Variants in ABLIM3 observed in about 807,000 individuals in gnomAD.
ABLIM3 encodes the protein actin-binding LIM protein 3.
ABLIM3 carries 61 observed loss-of-function variants against 109.5 expected under a neutral mutation model. The observed-to-expected ratio is 0.56, with a 90% CI of 0.45 to 0.69. The LOEUF is 0.69. ABLIM3 is among the 30% of genes least tolerant of loss of function. The probability of loss-of-function intolerance (pLI) is 0.00; values close to 1 mark genes in which losing one functional copy is unlikely to be tolerated. For missense variants in ABLIM3, 796 were observed against 889.5 expected (o/e 0.89, Z 1.34); for synonymous variants, 300 against 324.8 (o/e 0.92, Z 0.82).
At chr5:149,158,248 C>A (rs544626374) in intron 2 of ABLIM3, among the ~76,000 whole-genome samples, 4 of 152,312 alleles carry the variant, frequency 2.6e-5, no homozygotes, top group Admixed American at 6.5e-5. Flanking sequence ...TGTTCCCCAA[C>A]TGCAAGCCAA....
intron 14 of ABLIM3, among the ~76,000 whole-genome samples, chr5:149,241,223 T>C (rs2127560285): frequency 6.6e-6 from 1 of 152,362 alleles, no homozygotes; most frequent in African/African-American, 2.4e-5. Context: ...TGTTCTGGGC[T>C]CAGAGGTTGC....
intron 6 of ABLIM3, among the ~76,000 whole-genome samples, chr5:149,209,056 T>C (rs1759290619): frequency 6.6e-6 from 1 of 152,174 alleles, no homozygotes; most frequent in Non-Finnish European, 1.5e-5. Flanking sequence ...GATCCTGGGC[T>C]GCATAGGTGA....
chr5:149,153,535 A>T (rs147172287), intron 2 of ABLIM3, among the ~76,000 whole-genome samples: 32 of 152,294 alleles, frequency 2.1e-4, no homozygotes, highest in African/African-American at 7.7e-4. Context: ...TTCAGGCCAT[A>T]TGGACAGGAG....
chr5:149,181,147 G>C (rs564864282), intron 2 of ABLIM3, among the ~76,000 whole-genome samples: 1 of 152,286 alleles, frequency 6.6e-6, no homozygotes, highest in Admixed American at 6.5e-5. Flanking sequence ...GGCAATGGTA[G>C]ATCACCACAC....
At chr5:149,216,600 G>A (rs534588252) in intron 7 of ABLIM3, 11 of 215,926 alleles carry the variant, frequency 5.1e-5, no homozygotes, top group African/African-American at 2.5e-4. Context: ...TGTAACATTA[G>A]TGGTAAGGGC....
intron 2 of ABLIM3, among the ~76,000 whole-genome samples, chr5:149,147,254 A>G (rs2127428790): frequency 6.6e-6 from 1 of 152,248 alleles, no homozygotes; most frequent in African/African-American, 2.4e-5. Flanking sequence ...ACTTCACTGA[A>G]GTCATAGTTT....
chr5:149,237,314 A>G (rs1752303744), intron 10 of ABLIM3, 134 bp from the exon 11 acceptor site: 10 of 932,918 alleles, frequency 1.1e-5, no homozygotes, highest in African/African-American at 4.9e-5. Context: ...ACTATTCTTC[A>G]ATTTGATCCT....
At chr5:149,246,437 A>G (rs201171869) in intron 16 of ABLIM3, 45 bp from the exon 17 acceptor site, 57 of 1,585,946 alleles carry the variant, frequency 3.6e-5, no homozygotes, top group Non-Finnish European at 4.5e-5. Context: ...AGCCAGGCTG[A>G]GTGGGGTGCA....
chr5:149,153,160 G>A (rs1367500234), intron 2 of ABLIM3, among the ~76,000 whole-genome samples: 2 of 152,022 alleles, frequency 1.3e-5, no homozygotes, highest in Non-Finnish European at 1.5e-5. Context: ...ATATTCCCAA[G>A]GCACTTCAAA....
chr5:149,216,876 C>A, intron 7 of ABLIM3, 83 bp from the exon 8 acceptor site: 1 of 1,233,846 alleles, frequency 8.1e-7, no homozygotes, highest in Non-Finnish European at 1.2e-6. Flanking sequence ...CACTAATGTA[C>A]CCAGGAAAGA....
chr5:149,228,171 G>A (rs67661015), intron 8 of ABLIM3, among the ~76,000 whole-genome samples: 15,099 of 152,104 alleles, frequency 0.099, 819 homozygotes, highest in South Asian at 0.11. Flanking sequence ...GTTGAATAAG[G>A]CCATTCAGTT....
At chr5:149,192,715 C>T (rs1339301968) in intron 3 of ABLIM3, among the ~76,000 whole-genome samples, 3 of 151,636 alleles carry the variant, frequency 2.0e-5, no homozygotes, top group Non-Finnish European at 1.5e-5. Flanking sequence ...TTTTGCAAAG[C>T]TTTAACGAAA....
intron 2 of ABLIM3, among the ~76,000 whole-genome samples, chr5:149,152,249 A>G (rs1037990472): frequency 1.3e-5 from 2 of 152,198 alleles, no homozygotes; most frequent in Non-Finnish European, 2.9e-5. Context: ...GTGACAGCTT[A>G]ATATTTTTAT....
At chr5:149,210,949 C>A in intron 7 of ABLIM3, 130 bp downstream of exon 7, 1 of 808,072 alleles carries the variant, frequency 1.2e-6, no homozygotes, top group Non-Finnish European at 2.1e-6. Context: ...CCTTTGCTTG[C>A]TACATGACCT....
At chr5:149,201,794 A>G (rs1481396495) in intron 5 of ABLIM3, among the ~76,000 whole-genome samples, 1 of 151,936 alleles carries the variant, frequency 6.6e-6, no homozygotes, top group African/African-American at 2.4e-5. Flanking sequence ...GCTGCTGAGG[A>G]CCTCCGAGAC....
intron 2 of ABLIM3, among the ~76,000 whole-genome samples, chr5:149,166,048 A>C (rs1447804502): frequency 1.3e-5 from 2 of 152,338 alleles, no homozygotes; most frequent in East Asian, 3.9e-4. Flanking sequence ...AATGTGTTTT[A>C]GTTGGCTCAC....
Position 149,247,791 on chromosome 5 carries a change from G to A in ABLIM3, c.1561G>A (p.Gly521Arg). ...FDRSMHKLQSGIGRLILKEEM... is the reference protein window; with the variant it reads ...FDRSMHKLQSRIGRLILKEEM... ...CTTCCCCGACCCTCAGCTCCAAAGT[G>A]GAATTGGCCGGCTGATTCTGAAGGA... The change falls in exon 18 of 24, where the codon GGA (glycine) becomes AGA (arginine). Residue 521 changes from glycine to arginine, a missense_variant. By Grantham distance (125) the Gly-to-Arg change is moderately radical (BLOSUM62 -2). Coordinates refer to ENST00000309868, the MANE Select transcript of ABLIM3 (RefSeq NM_014945.5). The A allele has an allele frequency of 6.2e-7, 1 of 1,614,226 alleles. No individual in the cohort carries two copies. The highest frequency in any genetic ancestry group is 1.3e-5 in the African/African-American group (1 of 75,064).
chr5:149,210,422 A>G (rs538812277), intron 6 of ABLIM3, among the ~76,000 whole-genome samples: 1 of 152,362 alleles, frequency 6.6e-6, no homozygotes, highest in South Asian at 2.1e-4. Context: ...AACAAATGTT[A>G]GTGGCTATTA....
intron 14 of ABLIM3, among the ~76,000 whole-genome samples, chr5:149,241,237 T>A (rs1362054228): frequency 6.6e-6 from 1 of 152,226 alleles, no homozygotes; most frequent in Non-Finnish European, 1.5e-5. Flanking sequence ...AGGTTGCAAC[T>A]GTGCTCAACC....
Sources: allele counts gnomAD v4.1 joint callset (sites outside exome capture counted in the v4.1 genomes callset), GRCh38; gene constraint gnomAD v4.1.1; transcripts MANE v1.5; gene names NCBI Gene and HGNC (gene_info 2026-07-23, HGNC 2026-07-21).